SFXN2: variants seen among roughly 807,000 people sequenced by gnomAD.
SFXN2 encodes sideroflexin 2, also known as sideroflexin-2.
In SFXN2, 37 loss-of-function variants were observed where a neutral mutation model predicts 41.9. The ratio of observed to expected loss-of-function variants is 0.88; its 90% CI spans 0.68 to 1.16. SFXN2 has a LOEUF of 1.16. Ranked by LOEUF, SFXN2 falls within the 50% of genes most tolerant of loss-of-function variation. The probability of loss-of-function intolerance (pLI) is 0.00; values close to 1 mark genes in which losing one functional copy is unlikely to be tolerated. For missense variants in SFXN2, 386 were observed against 425.2 expected (o/e 0.91, Z 0.81); for synonymous variants, 150 against 156.7 (o/e 0.96, Z 0.32).
At chr10:102,729,278 C>T (rs376752873) in intron 4 of SFXN2, 41 bp from the exon 5 acceptor site, 286 of 1,603,700 alleles carry the variant, frequency 1.8e-4, no homozygotes, top group South Asian at 1.2e-3. Flanking sequence ...GGCCCTCAGC[C>T]GGCAGGGGCC....
In SFXN2 at chr10:102,726,666, C is replaced by T. The variant is rs778809128; in HGVS notation, c.30C>T (p.Ile10=). ...AGGCTGACCTGTCTGGCTTTAACAT[C>T]GATGCCCCCCGTTGGGACCAGCGCA... MEADLSGFN[I]DAPRWDQRTF... Residue 10 remains isoleucine, a synonymous_variant, in exon 2 of 12, where the codon ATC becomes ATT. Transcript: ENST00000369893. The T allele has an allele frequency of 4.0e-5, 64 of 1,614,078 alleles. No individual in the cohort carries two copies. Among genetic ancestry groups the T allele is most frequent in the Admixed American group, 5.0e-5 (3 of 60,006 alleles).
chr10:102,717,865 A>G (rs903431180), intron 1 of SFXN2: 34 of 900,204 alleles, frequency 3.8e-5, no homozygotes, highest in Middle Eastern at 5.6e-4. Context: ...TGAGCCTTAC[A>G]GTCTGTCAGG....
Position 102,741,178 on chromosome 10 carries a change from C to G in SFXN2, c.*3416C>G, listed in dbSNP as rs1046082575. Reference sequence around the variant, plus strand: ...TAATCCAGACTGTCCTATCCAATAGCTCAGCTTGAGCTTTCAGGTAAAAGG... The same window carrying G: ...TAATCCAGACTGTCCTATCCAATAGGTCAGCTTGAGCTTTCAGGTAAAAGG... On this transcript the variant is annotated 3_prime_UTR_variant, in exon 12 of 12. Transcript: ENST00000369893. 32 of 152,170 alleles carry G rather than the reference C, an allele frequency of 2.1e-4. No homozygotes were observed. Among genetic ancestry groups the G allele is most frequent in the African/African-American group, 7.5e-4 (31 of 41,434 alleles). The allele number at this position is 152,170 out of a possible 1,614,324, so 9.4% of individuals were successfully genotyped here.
chr10:102,722,635 G>A lies in SFXN2; in HGVS notation c.-25-3977G>A, dbSNP rs138690385. On this transcript the variant is annotated intron_variant, in intron 1 of 11. Coordinates refer to ENST00000369893, the MANE Select transcript of SFXN2 (RefSeq NM_178858.6). Reference sequence around the variant, plus strand: ...CTGCAGGCTTAGCCTTAGCCTCCCAGACTCAAGCAGTCCCCGCACCTCAGC... The same window carrying A: ...CTGCAGGCTTAGCCTTAGCCTCCCAAACTCAAGCAGTCCCCGCACCTCAGC... 2.9e-4 allele frequency among the ~76,000 whole-genome samples: 44 copies of A among 151,890 alleles called. 1 individual carries two copies. The East Asian group carries it at 7.8e-3, about 27-fold the overall frequency.
intron 1 of SFXN2, among the ~76,000 whole-genome samples, chr10:102,718,392 C>T (rs2064449322): frequency 6.6e-6 from 1 of 152,264 alleles, no homozygotes; most frequent in Non-Finnish European, 1.5e-5. Flanking sequence ...GTGTGTTCAG[C>T]CAGCCAAGCT....
At chr10:102,730,619 G>T (rs1203427076) in intron 6 of SFXN2, among the ~76,000 whole-genome samples, 2 of 152,214 alleles carry the variant, frequency 1.3e-5, no homozygotes, top group Admixed American at 6.5e-5. Context: ...ACCTACCGGG[G>T]CTTGAGTTGA....
In SFXN2 at chr10:102,732,142, C is replaced by T. The variant is rs764774409; in HGVS notation, c.655-10C>T. The T allele has an allele frequency of 1.1e-5, 17 of 1,612,492 alleles. No individual in the cohort carries two copies. The South Asian group carries it at 1.4e-4, about 14-fold the overall frequency. ...ATCATTTCTGACAACTTACTATTTT[C>T]TGCCCTCAGAGAGCTGCGGCCATAG... On this transcript the variant is annotated splice_polypyrimidine_tract_variant and intron_variant, in intron 7 of 11. Coordinates refer to ENST00000369893, the MANE Select transcript of SFXN2 (RefSeq NM_178858.6).
At chr10:102,733,633 C>G (rs2064734550) in intron 10 of SFXN2, 30 bp downstream of exon 10, 3 of 1,601,830 alleles carry the variant, frequency 1.9e-6, no homozygotes, top group Non-Finnish European at 2.6e-6. Flanking sequence ...GATTTGGGTT[C>G]TGCGTGGCTG....
At position 102,734,809 on chromosome 10, in the gene SFXN2, C is replaced by T. The variant is rs75224072; in HGVS notation, c.822-1053C>T. Among the ~76,000 whole-genome samples, 1 of 152,272 alleles carries T rather than the reference C, an allele frequency of 6.6e-6. No homozygotes were observed. The highest frequency in any genetic ancestry group is 1.9e-4 in the East Asian group (1 of 5,184). ...CCAACCCAGGTCTGTCAGAGTCCCG[C>T]GTCCTGTAAGACCTTGCCTCCCAAA... On this transcript the variant is annotated intron_variant, in intron 10 of 11. Transcript: ENST00000369893. The surrounding 1 kb of genome is among the most constrained non-coding windows in gnomAD (Gnocchi z 4.1).
intron 9 of SFXN2, among the ~76,000 whole-genome samples, chr10:102,733,223 C>T (rs528083570): frequency 1.3e-5 from 2 of 152,364 alleles, no homozygotes; most frequent in Admixed American, 6.5e-5. Flanking sequence ...TCTTGGCTCA[C>T]TGCAAGCTCC....
intron 1 of SFXN2, among the ~76,000 whole-genome samples, chr10:102,717,194 C>T (rs533113032): frequency 3.3e-4 from 44 of 133,382 alleles, no homozygotes; most frequent in African/African-American, 1.1e-3. Context: ...TGCAGTGGTG[C>T]GATCTTGGCT....
At chr10:102,731,666 G>A in intron 6 of SFXN2, 57 bp from the exon 7 acceptor site, 1 of 1,506,882 alleles carries the variant, frequency 6.6e-7, no homozygotes, top group Non-Finnish European at 9.2e-7. Context: ...CATGTCATGT[G>A]GCTGGCAGGC....
rs551859246 is a variant in SFXN2, at chr10:102,739,677, C to G, written c.*1915C>G. 1 of 152,206 alleles carries G rather than the reference C, an allele frequency of 6.6e-6. No individual in the cohort carries two copies. The highest frequency in any genetic ancestry group is 6.5e-5 in the Admixed American group (1 of 15,272). 9.4% of individuals were successfully genotyped at this position (152,206 alleles called of 1,614,324 possible). A position where few individuals can be genotyped will look rare whatever the true frequency, so the allele number is the denominator to read the frequency against. On this transcript the variant is annotated 3_prime_UTR_variant, in exon 12 of 12. Transcript: ENST00000369893. ...CTGTAATCCCCACACTTTGGGAGGC[C>G]GAGGCAGGTGGATCACCTGAGGTCA...
chr10:102,736,315 T>G (rs2064777067), intron 11 of SFXN2, among the ~76,000 whole-genome samples: 2 of 151,928 alleles, frequency 1.3e-5, no homozygotes, highest in African/African-American at 4.8e-5. Context: ...TGGAGTGCAG[T>G]GGCACGATCT....
At position 102,739,121 on chromosome 10, in the gene SFXN2, G is replaced by A. The variant is rs185363811; in HGVS notation, c.*1359G>A. 2.6e-5 allele frequency: 4 copies of A among 152,380 alleles called. No individual in the cohort carries two copies. The East Asian group carries it at 7.7e-4, about 29-fold the overall frequency. 9.4% of individuals were successfully genotyped at this position (152,380 alleles called of 1,614,324 possible). On this transcript the variant is annotated 3_prime_UTR_variant, in exon 12 of 12. Coordinates refer to ENST00000369893, the MANE Select transcript of SFXN2 (RefSeq NM_178858.6). ...ATGAGTTTTGTCTGGTAGGATTGCT[G>A]ACTCTGTCCAACAGATATCACTGTG...
rs1446372349 is a variant in SFXN2 at position 102,720,680 on chromosome 10, C to A, written c.-25-5932C>A. Reference sequence around the variant, plus strand: ...AAATCAAGCTTACTATTAATATTTTCTCCCTCAAAGCCAATTTTTCTGTGC... The same window carrying A: ...AAATCAAGCTTACTATTAATATTTTATCCCTCAAAGCCAATTTTTCTGTGC... On this transcript the variant is annotated intron_variant, in intron 1 of 11. Coordinates refer to ENST00000369893, the MANE Select transcript of SFXN2 (RefSeq NM_178858.6). 2.6e-5 allele frequency among the ~76,000 whole-genome samples: 4 copies of A among 151,920 alleles called. No individual in the cohort carries two copies. The East Asian group carries it at 7.7e-4, about 29-fold the overall frequency.
chr10:102,730,005 T>A (rs149355080), intron 6 of SFXN2, among the ~76,000 whole-genome samples, 197 bp downstream of exon 6: 75 of 152,186 alleles, frequency 4.9e-4, no homozygotes, highest in Non-Finnish European at 7.4e-4. Flanking sequence ...GGTTAGGCCG[T>A]GTGTTGAGTC....
In SFXN2 at chr10:102,738,822, A is replaced by G. The variant is rs923253710; in HGVS notation, c.*1060A>G. ...CACTAACTGTGAGTAAAAATGATAT[A>G]TATAGGCATTAACCACACACTTTAA... On this transcript the variant is annotated 3_prime_UTR_variant, in exon 12 of 12. Coordinates refer to ENST00000369893, the MANE Select transcript of SFXN2 (RefSeq NM_178858.6). 2.6e-5 allele frequency: 4 copies of G among 152,648 alleles called. No individual in the cohort carries two copies. In the East Asian group the frequency reaches 5.8e-4, roughly 22 times the overall value. The allele number at this position is 152,648 out of a possible 1,614,324, so 9.5% of individuals were successfully genotyped here. A position where few individuals can be genotyped will look rare whatever the true frequency, so the allele number is the denominator to read the frequency against.
At position 102,735,858 on chromosome 10, in the gene SFXN2, G is replaced by C; in HGVS notation, c.822-4G>C. 6.2e-7 allele frequency: 1 copy of C among 1,614,080 alleles called. No homozygotes were observed. Among genetic ancestry groups the C allele is most frequent in the Non-Finnish European group, 8.5e-7 (1 of 1,179,992 alleles). ...CTGATGCTTTGGTTTCTCCTTTCTT[G>C]CAGCCTCATCTTCATGGTGCCAGTG... On this transcript the variant is annotated splice_polypyrimidine_tract_variant and splice_region_variant and intron_variant, in intron 10 of 11. Transcript: ENST00000369893.
Sources: allele counts gnomAD v4.1 joint callset (sites outside exome capture counted in the v4.1 genomes callset), GRCh38; gene constraint gnomAD v4.1.1; non-coding constraint Gnocchi (gnomAD v3.1); transcripts MANE v1.5; gene names NCBI Gene and HGNC (gene_info 2026-07-23, HGNC 2026-07-21).